CALCR: variants seen among roughly 807,000 people sequenced by gnomAD.
The protein encoded by CALCR is calcitonin receptor.
Under a neutral mutation model 59.5 loss-of-function variants are expected in CALCR, and 47 were observed. The observed-to-expected ratio is 0.79, with a 90% CI of 0.63 to 1.01. The LOEUF is 1.01. Among genes scored for constraint, CALCR ranks in the 50% least tolerant of loss-of-function variants. The probability of loss-of-function intolerance (pLI) is 0.00; values close to 1 mark genes in which losing one functional copy is unlikely to be tolerated. For missense variants in CALCR, 566 were observed against 597.1 expected (o/e 0.95, Z 0.54); for synonymous variants, 213 against 211.3 (o/e 1.01, Z -0.07).
At chr7:93,453,282 C>G (rs997986114) in intron 8 of CALCR, among the ~76,000 whole-genome samples, 3 of 152,034 alleles carry the variant, frequency 2.0e-5, no homozygotes, top group African/African-American at 4.8e-5. Context: ...TTTTCACAGA[C>G]AGCTTTATGA....
chr7:93,436,950 T>G (rs1325092486), intron 11 of CALCR, among the ~76,000 whole-genome samples: 2 of 152,324 alleles, frequency 1.3e-5, no homozygotes, highest in East Asian at 3.9e-4. Context: ...GTGCCCATAT[T>G]TGCACGGGCA....
chr7:93,506,995 G>A (rs1295930552), intron 2 of CALCR, among the ~76,000 whole-genome samples: 2 of 152,118 alleles, frequency 1.3e-5, no homozygotes, highest in Admixed American at 6.5e-5. Flanking sequence ...ACATGCCTTT[G>A]CTCCTGCTTC....
Position 93,426,286 on chromosome 7 carries a change from A to T in CALCR, c.*70T>A. 4 of 853,514 alleles carry T rather than the reference A, an allele frequency of 4.7e-6. No homozygotes were observed. Among genetic ancestry groups the T allele is most frequent in the South Asian group, 1.4e-5 (1 of 71,798 alleles). 52.9% of individuals were successfully genotyped at this position (853,514 alleles called of 1,614,324 possible). On this transcript the variant is annotated 3_prime_UTR_variant, in exon 14 of 14. Coordinates refer to ENST00000426151, the MANE Select transcript of CALCR (RefSeq NM_001742.4). ...TTCGGTTCCTGGGAGGATGGAGAATACTTTAAATGCATGGTCTTTCTCCCA... is the reference window on the plus strand; with the variant it reads ...TTCGGTTCCTGGGAGGATGGAGAATTCTTTAAATGCATGGTCTTTCTCCCA...
chr7:93,472,424 G>T lies in CALCR; in HGVS notation c.380C>A (p.Thr127Asn), dbSNP rs765940253. 2 of 1,610,658 alleles carry T rather than the reference G, an allele frequency of 1.2e-6. No individual in the cohort carries two copies. The highest frequency in any genetic ancestry group is 1.7e-6 in the Non-Finnish European group (2 of 1,177,722). ...ATTGCACATAGTATAGTTGGACCAG[G>T]TTCGATTGTTTTCAGGATGTTTAAA... ...VWFKHPENNR[T>N]WSNYTMCNAF... Residue 127 changes from threonine to asparagine, a missense_variant, in exon 6 of 14, where the codon ACC (threonine) becomes AAC (asparagine). Thr to Asn is a moderately conservative substitution (Grantham distance 65). Transcript: ENST00000426151.
rs1562922510 is a variant in CALCR at position 93,426,519 on chromosome 7, G to A, written c.1262C>T (p.Pro421Leu). The A allele has an allele frequency of 6.2e-7, 1 of 1,613,836 alleles. No homozygotes were observed. The highest frequency in any genetic ancestry group is 1.3e-5 in the African/African-American group (1 of 74,926). ...IQWNQRWGRR[P>L]SNRSARAAAA... Reference sequence around the variant, plus strand: ...TGCAGCGCGAGCAGAGCGGTTGGAGGGGCGCCTCCCCCAACGCTGGTTCCA... The same window carrying A: ...TGCAGCGCGAGCAGAGCGGTTGGAGAGGCGCCTCCCCCAACGCTGGTTCCA... Residue 421 changes from proline (P) to leucine (L), a missense_variant, in exon 14 of 14, where the codon CCC (proline) becomes CTC (leucine). Coordinates refer to ENST00000426151, the MANE Select transcript of CALCR (RefSeq NM_001742.4).
intron 2 of CALCR, among the ~76,000 whole-genome samples, chr7:93,558,327 A>G (rs923297251): frequency 6.6e-6 from 1 of 152,096 alleles, no homozygotes; most frequent in Admixed American, 6.6e-5. Context: ...TTATATTGGT[A>G]GAATCTTTAT....
intron 2 of CALCR, among the ~76,000 whole-genome samples, chr7:93,490,412 C>T (rs1479322642): frequency 6.6e-6 from 1 of 151,584 alleles, no homozygotes; most frequent in African/African-American, 2.4e-5. Flanking sequence ...GGGCAATAAT[C>T]AGGCAAGAGA....
At chr7:93,544,672 T>G (rs1375723377) in intron 2 of CALCR, among the ~76,000 whole-genome samples, 1 of 152,168 alleles carries the variant, frequency 6.6e-6, no homozygotes, top group Non-Finnish European at 1.5e-5. Flanking sequence ...CATCTACATG[T>G]TTTTCTAATT....
At chr7:93,450,739 G>A (rs1179010104) in intron 8 of CALCR, among the ~76,000 whole-genome samples, 1 of 151,744 alleles carries the variant, frequency 6.6e-6, no homozygotes. Flanking sequence ...TTTGTTCAGG[G>A]TTTGTAGTTG....
At chr7:93,561,608 C>G (rs190271461) in intron 2 of CALCR, among the ~76,000 whole-genome samples, 1 of 152,130 alleles carries the variant, frequency 6.6e-6, no homozygotes, top group African/African-American at 2.4e-5. Flanking sequence ...TATTTTTGAT[C>G]CAGAAGGGAA....
chr7:93,529,104 A>G (rs192743084), intron 2 of CALCR, among the ~76,000 whole-genome samples: 4 of 152,292 alleles, frequency 2.6e-5, no homozygotes, highest in Admixed American at 2.6e-4. Context: ...TAGTTTGTAT[A>G]TTTGTCTCCA....
Position 93,477,639 on chromosome 7 carries a change from A to G in CALCR, c.235T>C (p.Trp79Arg), listed in dbSNP as rs1291538977. The G allele has an allele frequency of 5.6e-6, 9 of 1,611,354 alleles. No homozygotes were observed. The highest frequency in any genetic ancestry group is 2.2e-5 in the East Asian group (1 of 44,678). Reference protein sequence around the residue: ...GPYCNRTWDGWLCWDDTPAGV... With the variant: ...GPYCNRTWDGRLCWDDTPAGV... The stretch of plus-strand genomic sequence containing the variant: ...GCCGGTGTGTCATCCCAGCACAGCC[A>G]TCCATCCCAGGTGCGATTGCAATAT... Residue 79 changes from tryptophan (W) to arginine (R), a missense_variant, in exon 5 of 14, where the codon TGG becomes CGG. Transcript: ENST00000426151.
intron 2 of CALCR, among the ~76,000 whole-genome samples, chr7:93,498,915 A>G (rs1305604841): frequency 2.0e-5 from 3 of 151,678 alleles, no homozygotes; most frequent in Admixed American, 1.3e-4. Flanking sequence ...AAATATTAGA[A>G]GAAAAGTCAG....
At chr7:93,539,587 A>G (rs1653304953) in intron 2 of CALCR, among the ~76,000 whole-genome samples, 1 of 152,068 alleles carries the variant, frequency 6.6e-6, no homozygotes, top group South Asian at 2.1e-4. Flanking sequence ...TAGATGGTAT[A>G]GGTCCCTGGA....
chr7:93,470,003 T>C (rs1800519000), intron 6 of CALCR, among the ~76,000 whole-genome samples: 1 of 55,446 alleles, frequency 1.8e-5, no homozygotes, highest in Admixed American at 1.5e-4. Context: ...TGTGCATTAT[T>C]GTTATCCTGA....
intron 8 of CALCR, among the ~76,000 whole-genome samples, chr7:93,460,560 A>G (rs1301264445): frequency 1.1e-4 from 9 of 79,896 alleles, no homozygotes; most frequent in African/African-American, 5.3e-4. Flanking sequence ...TATCTAAAAA[A>G]AAAAAAAAAA....
chr7:93,470,207 G>A (rs1462414166), intron 6 of CALCR, among the ~76,000 whole-genome samples: 1 of 151,206 alleles, frequency 6.6e-6, no homozygotes. Flanking sequence ...TTTATAATTG[G>A]AGCTGATAAA....
intron 3 of CALCR, among the ~76,000 whole-genome samples, chr7:93,481,986 T>C (rs1252003849): frequency 1.3e-5 from 2 of 151,888 alleles, no homozygotes; most frequent in Non-Finnish European, 2.9e-5. Flanking sequence ...GTGTAGACTG[T>C]GCTCTCATAG....
chr7:93,506,387 T>C (rs777591167), intron 2 of CALCR, among the ~76,000 whole-genome samples: 1 of 152,176 alleles, frequency 6.6e-6, no homozygotes, highest in Non-Finnish European at 1.5e-5. Context: ...CAGGTGTGTT[T>C]CTCATTTGCA....
Sources: allele counts gnomAD v4.1 joint callset (sites outside exome capture counted in the v4.1 genomes callset), GRCh38; gene constraint gnomAD v4.1.1; transcripts MANE v1.5; gene names NCBI Gene and HGNC (gene_info 2026-07-23, HGNC 2026-07-21).